Variants in OPN3 observed in about 807,000 individuals in gnomAD.
The protein encoded by OPN3 is opsin 3.
OPN3 carries 29 observed loss-of-function variants against 33.8 expected under a neutral mutation model. That is an observed-to-expected ratio of 0.86 (90% confidence interval 0.64 to 1.17). The LOEUF (loss-of-function observed/expected upper bound fraction) is 1.17, where lower values mean the gene tolerates loss of function less well. Among genes scored for constraint, OPN3 ranks in the 50% most tolerant of loss-of-function variants. The pLI is 0.00. For synonymous variants in OPN3, 216 were observed against 216.1 expected, an observed-to-expected ratio of 1.00 and a Z score of 0.00; for missense variants, 437 against 514.1, an observed-to-expected ratio of 0.85 and a Z score of 1.45.
At chr1:241,604,018 CAGA>C in intron 2 of OPN3, among the ~76,000 whole-genome samples, 1 of 152,066 alleles carries the variant, frequency 6.6e-6, no homozygotes, top group Non-Finnish European at 1.5e-5. Context: ...TTTTGTCAGT[CAGA>C]AGATTTTTCT....
intron 1 of OPN3, among the ~76,000 whole-genome samples, chr1:241,618,154 C>T (rs1222384262): frequency 6.6e-6 from 1 of 152,176 alleles, no homozygotes; most frequent in African/African-American, 2.4e-5. Flanking sequence ...GCTTCTCTTC[C>T]ACACTGTCAA....
In OPN3 at chr1:241,634,170, A is replaced by G; in HGVS notation, c.373+5712T>C. On this transcript the variant is annotated intron_variant, in intron 1 of 3. Coordinates refer to ENST00000366554, the MANE Select transcript of OPN3 (RefSeq NM_014322.3). Reference sequence around the variant, plus strand: ...TCCTCGTTTATTTCTGTTTCAGTATACGGAGTGAATAATTTCTTCACCACT... The same window carrying G: ...TCCTCGTTTATTTCTGTTTCAGTATGCGGAGTGAATAATTTCTTCACCACT... 6.2e-7 allele frequency: 1 copy of G among 1,613,966 alleles called. No homozygotes were observed. The highest frequency in any genetic ancestry group is 8.5e-7 in the Non-Finnish European group (1 of 1,179,888).
chr1:241,620,738 A>G (rs1321726780), intron 1 of OPN3, among the ~76,000 whole-genome samples: 1 of 152,156 alleles, frequency 6.6e-6, no homozygotes, highest in East Asian at 1.9e-4. Flanking sequence ...GATATTTTAT[A>G]TTTTTCTCAT....
intron 1 of OPN3, chr1:241,633,221 G>A (rs1664715010): frequency 1.3e-5 from 2 of 154,924 alleles, no homozygotes; most frequent in African/African-American, 4.8e-5. Flanking sequence ...GTGCATAAAG[G>A]ATCATGCAAA....
At chr1:241,615,950 G>T in intron 1 of OPN3, 1 of 456,698 alleles carries the variant, frequency 2.2e-6, no homozygotes, top group Non-Finnish European at 4.4e-6. Context: ...GAGGCAAACG[G>T]ACATTAACAT....
At chr1:241,630,615 T>C (rs924533663) in intron 1 of OPN3, 1 of 152,122 alleles carries the variant, frequency 6.6e-6, no homozygotes, top group African/African-American at 2.4e-5. Context: ...TTTATTGCAA[T>C]GACAGGTCTC....
chr1:241,634,936 A>C (rs897291725), intron 1 of OPN3: 13 of 1,612,998 alleles, frequency 8.1e-6, no homozygotes, highest in Non-Finnish European at 1.1e-5. Context: ...CTCTGGAACA[A>C]GGAACTTGTT....
In OPN3 at chr1:241,598,060, T is replaced by C; in HGVS notation, c.694-63A>G. The C allele has an allele frequency of 1.3e-6, 2 of 1,543,356 alleles. 1 individual carries two copies. Among genetic ancestry groups the C allele is most frequent in the Non-Finnish European group, 1.7e-6 (2 of 1,146,426 alleles). ...CAAAAGAAGGGTTTCTTTTGTTGTTTTTATAACAGATATTCAGACACCATT... is the reference window on the plus strand; with the variant it reads ...CAAAAGAAGGGTTTCTTTTGTTGTTCTTATAACAGATATTCAGACACCATT... On this transcript the variant is annotated intron_variant, in intron 2 of 3. Coordinates refer to ENST00000366554, the MANE Select transcript of OPN3 (RefSeq NM_014322.3).
intron 1 of OPN3, among the ~76,000 whole-genome samples, chr1:241,620,392 G>T (rs913734557): frequency 5.3e-5 from 8 of 152,302 alleles, no homozygotes; most frequent in Non-Finnish European, 4.4e-5. Flanking sequence ...TCAGAGTGAT[G>T]GTATGAGGTG....
At chr1:241,609,370 T>C (rs1262343126) in intron 1 of OPN3, among the ~76,000 whole-genome samples, 1 of 152,200 alleles carries the variant, frequency 6.6e-6, no homozygotes. Context: ...ACCCAAGACT[T>C]ACTCCAAATC....
At position 241,594,644 on chromosome 1, in the gene OPN3, G is replaced by T; in HGVS notation, c.993C>A (p.Cys331Ter). ...LQLLCLRLLR[C>*]QRPAKDLPAA... ...CTGGTAGGTCTTTAGCAGGCCTCTG[G>T]CACCTCAGCAGTCGGAGGCACAGAA... Residue 331 changes from cysteine to a stop codon, truncating the protein, a stop_gained, in exon 4 of 4, where the codon TGC becomes TGA. Coordinates refer to ENST00000366554, the MANE Select transcript of OPN3 (RefSeq NM_014322.3). LOFTEE classifies it high-confidence loss of function. 1.2e-6 allele frequency: 2 copies of T among 1,614,038 alleles called. No individual in the cohort carries two copies. The highest frequency in any genetic ancestry group is 8.5e-7 in the Non-Finnish European group (1 of 1,179,946).
intron 1 of OPN3, among the ~76,000 whole-genome samples, chr1:241,607,718 G>A (rs1663877270): frequency 7.0e-6 from 1 of 143,570 alleles, no homozygotes; most frequent in Non-Finnish European, 1.5e-5. Flanking sequence ...GAGAAAGAAA[G>A]AGGAAGAGAA....
intron 1 of OPN3, among the ~76,000 whole-genome samples, chr1:241,637,402 G>A (rs1234544807): frequency 1.3e-5 from 2 of 152,156 alleles, no homozygotes; most frequent in Non-Finnish European, 2.9e-5. Context: ...CATTCCCTAA[G>A]AAGCCAGGAA....
intron 1 of OPN3, among the ~76,000 whole-genome samples, chr1:241,637,397 C>T (rs976053828): frequency 6.6e-6 from 1 of 152,182 alleles, no homozygotes; most frequent in Non-Finnish European, 1.5e-5. Flanking sequence ...TTTGGCATTC[C>T]CTAAGAAGCC....
chr1:241,636,698 AT>A (rs1368409248), intron 1 of OPN3, among the ~76,000 whole-genome samples: 1 of 152,232 alleles, frequency 6.6e-6, no homozygotes, highest in Non-Finnish European at 1.5e-5. Flanking sequence ...TGTATTAAAA[AT>A]ATTATATGAA....
intron 3 of OPN3, among the ~76,000 whole-genome samples, chr1:241,595,909 TTC>T (rs142176581): frequency 0.14 from 21,311 of 152,206 alleles, 2,299 homozygotes; most frequent in African/African-American, 0.27. Flanking sequence ...AAAAACGTTT[TTC>T]CATATAAATG....
intron 1 of OPN3, among the ~76,000 whole-genome samples, chr1:241,637,790 G>C (rs979927019): frequency 2.6e-5 from 4 of 152,218 alleles, no homozygotes; most frequent in African/African-American, 7.2e-5. Flanking sequence ...CAATGCATGA[G>C]TCGCAGGATA....
chr1:241,626,835 T>A (rs1664434779), intron 1 of OPN3, among the ~76,000 whole-genome samples: 1 of 152,296 alleles, frequency 6.6e-6, no homozygotes, highest in South Asian at 2.1e-4. Context: ...AGGGCTTTAA[T>A]TATATGATGT....
intron 3 of OPN3, 132 bp from the exon 4 acceptor site, chr1:241,594,823 G>T: frequency 2.1e-6 from 2 of 962,548 alleles, no homozygotes; most frequent in Non-Finnish European, 3.1e-6. Context: ...GTGGGGTTAT[G>T]TGGTCATGCT....
Sources: allele counts gnomAD v4.1 joint callset (sites outside exome capture counted in the v4.1 genomes callset), GRCh38; gene constraint gnomAD v4.1.1; transcripts MANE v1.5; gene names NCBI Gene and HGNC (gene_info 2026-07-23, HGNC 2026-07-21).